The following FSTL5 variants were observed in gnomAD, a reference collection of about 807,000 sequenced individuals.
FSTL5 encodes the protein follistatin-related protein 5.
Under a neutral mutation model 89.1 loss-of-function variants are expected in FSTL5, and 62 were observed. The ratio of observed to expected loss-of-function variants is 0.70; its 90% CI spans 0.57 to 0.86. FSTL5 has a LOEUF of 0.86. Among genes scored for constraint, FSTL5 ranks in the 40% least tolerant of loss-of-function variants. FSTL5 has a pLI of 0.00. For synonymous variants in FSTL5, 383 were observed against 346.2 expected, an observed-to-expected ratio of 1.11 and a Z score of -1.18; for missense variants, 1,057 against 1,001.6, an observed-to-expected ratio of 1.06 and a Z score of -0.75.
At chr4:161,842,267 A>T (rs1731233891) in intron 4 of FSTL5, among the ~76,000 whole-genome samples, 1 of 152,174 alleles carries the variant, frequency 6.6e-6, no homozygotes, top group Non-Finnish European at 1.5e-5. Context: ...AATTTCAAAC[A>T]TCTGTTCTTC....
intron 4 of FSTL5, among the ~76,000 whole-genome samples, chr4:161,915,599 T>C (rs1179232929): frequency 6.6e-6 from 1 of 152,120 alleles, no homozygotes; most frequent in Non-Finnish European, 1.5e-5. Flanking sequence ...GTACCAAACA[T>C]AAGGGATTAA....
intron 3 of FSTL5, among the ~76,000 whole-genome samples, chr4:161,966,658 G>A (rs72693212): frequency 6.6e-6 from 1 of 151,982 alleles, no homozygotes; most frequent in Non-Finnish European, 1.5e-5. Flanking sequence ...ATGGCCATCT[G>A]TTAAGCAAGG....
intron 6 of FSTL5, among the ~76,000 whole-genome samples, chr4:161,713,743 T>C (rs1171256378): frequency 3.3e-5 from 5 of 152,186 alleles, no homozygotes; most frequent in Non-Finnish European, 7.4e-5. Context: ...AATTAATTTT[T>C]TTCTTAACAT....
intron 3 of FSTL5, among the ~76,000 whole-genome samples, chr4:161,972,407 G>T (rs763094767): frequency 5.3e-5 from 8 of 152,122 alleles, no homozygotes; most frequent in African/African-American, 1.2e-4. Flanking sequence ...TTTAGAAAAG[G>T]TAATAGGACA....
intron 1 of FSTL5, among the ~76,000 whole-genome samples, chr4:162,113,130 C>G (rs1054253964): frequency 6.6e-6 from 1 of 152,226 alleles, no homozygotes; most frequent in East Asian, 1.9e-4. Flanking sequence ...CACACCCAAC[C>G]TCTAGATTGG....
At position 161,455,071 on chromosome 4, in the gene FSTL5, C is replaced by G; in HGVS notation, c.1774G>C (p.Gly592Arg). The G allele has an allele frequency of 6.2e-7, 1 of 1,613,424 alleles. No homozygotes were observed. Among genetic ancestry groups the G allele is most frequent in the Non-Finnish European group, 8.5e-7 (1 of 1,179,686 alleles). ...PHHTIHTQPVGKQFDRVDDFF... is the reference protein window; with the variant it reads ...PHHTIHTQPVRKQFDRVDDFF... ...TCATCCACTCTGTCAAATTGCTTTCCCACTGGTTGGGTGTGGATCGTGTGG... is the reference window on the plus strand; with the variant it reads ...TCATCCACTCTGTCAAATTGCTTTCGCACTGGTTGGGTGTGGATCGTGTGG... Residue 592 changes from glycine (G) to arginine (R), a missense_variant, in exon 15 of 16, where the codon GGA (glycine) becomes CGA (arginine). By Grantham distance (125) the Gly-to-Arg change is moderately radical. Around this residue, in one of 3 missense-constraint regions of FSTL5, gnomAD observed 980 missense variants for 903.2 expected, o/e 1.08. Coordinates refer to ENST00000306100, the MANE Select transcript of FSTL5 (RefSeq NM_020116.5).
At chr4:161,422,594 G>A (rs1732030096) in intron 15 of FSTL5, among the ~76,000 whole-genome samples, 2 of 152,152 alleles carry the variant, frequency 1.3e-5, no homozygotes, top group South Asian at 2.1e-4. Context: ...GAGAACCTGA[G>A]CATCCACGCT....
intron 1 of FSTL5, among the ~76,000 whole-genome samples, chr4:162,143,132 T>G (rs916708521): frequency 3.9e-5 from 6 of 151,978 alleles, no homozygotes; most frequent in Non-Finnish European, 8.8e-5. Context: ...TGATTATAGG[T>G]AACATTAGAA....
chr4:161,620,735 T>C (rs1350277907), intron 7 of FSTL5, among the ~76,000 whole-genome samples: 1 of 152,112 alleles, frequency 6.6e-6, no homozygotes, highest in East Asian at 1.9e-4. Flanking sequence ...AAAGTGATAA[T>C]TTAGATATAC....
chr4:161,602,255 GA>G (rs1734274922), intron 7 of FSTL5, among the ~76,000 whole-genome samples: 4 of 25,358 alleles, frequency 1.6e-4, no homozygotes, highest in Non-Finnish European at 3.6e-4. Flanking sequence ...GGGAGAGAAA[GA>G]GAGAGAGAGA....
At chr4:162,032,437 C>T (rs1164629685) in intron 3 of FSTL5, 1 of 152,084 alleles carries the variant, frequency 6.6e-6, no homozygotes, top group East Asian at 1.9e-4. Flanking sequence ...TATAAAATAA[C>T]AAGCGATACT....
intron 1 of FSTL5, among the ~76,000 whole-genome samples, chr4:162,151,430 A>G (rs1054472815): frequency 1.3e-5 from 2 of 152,172 alleles, no homozygotes; most frequent in African/African-American, 4.8e-5. Flanking sequence ...GCCAGTTTTA[A>G]AAGTTTGAAA....
chr4:161,899,238 T>A (rs1733272556), intron 4 of FSTL5, among the ~76,000 whole-genome samples: 2 of 152,138 alleles, frequency 1.3e-5, no homozygotes, highest in Non-Finnish European at 2.9e-5. Context: ...CACAGGGTGC[T>A]GTGGTTACAT....
chr4:161,555,597 T>G (rs1732359689), intron 8 of FSTL5, among the ~76,000 whole-genome samples: 1 of 151,540 alleles, frequency 6.6e-6, no homozygotes, highest in Non-Finnish European at 1.5e-5. Context: ...AGCAGAAAAT[T>G]TGAACGCATC....
At position 162,154,658 on chromosome 4, in the gene FSTL5, A is replaced by G. The variant is rs1579069971; in HGVS notation, c.-17+8957T>C. On this transcript the variant is annotated intron_variant, in intron 1 of 15. Coordinates refer to ENST00000306100, the MANE Select transcript of FSTL5 (RefSeq NM_020116.5). ...AAACACAGCAGATGACCAAACTCTAATATCAAAAAACATTAAGCAAATCCA... is the reference window on the plus strand; with the variant it reads ...AAACACAGCAGATGACCAAACTCTAGTATCAAAAAACATTAAGCAAATCCA... Among the ~76,000 whole-genome samples the G allele has an allele frequency of 2.0e-5, 3 of 152,294 alleles. No individual in the cohort carries two copies. The South Asian group carries it at 6.2e-4, about 32-fold the overall frequency.
In FSTL5 at chr4:161,918,102, C is replaced by CA. The variant is rs552001386; in HGVS notation, c.409+2301dup. 4.7e-3 allele frequency among the ~76,000 whole-genome samples: 713 copies of CA among 152,164 alleles called. 3 individuals carry two copies. The highest frequency in any genetic ancestry group is 0.017 in the African/African-American group (693 of 41,514). ...AGTAATATAACTTGCTGAAACTCCA[C>CA]AAAAAATATAATTCACAATTATAAA... On this transcript the variant is annotated intron_variant, in intron 4 of 15. Coordinates refer to ENST00000306100, the MANE Select transcript of FSTL5 (RefSeq NM_020116.5).
At chr4:162,057,138 G>C (rs1180251015) in intron 2 of FSTL5, among the ~76,000 whole-genome samples, 1 of 152,228 alleles carries the variant, frequency 6.6e-6, no homozygotes, top group Non-Finnish European at 1.5e-5. Flanking sequence ...TGCCCGATTA[G>C]CACCGTGGCT....
intron 1 of FSTL5, among the ~76,000 whole-genome samples, chr4:162,119,590 T>A (rs935908529): frequency 6.6e-5 from 10 of 152,234 alleles, no homozygotes; most frequent in Non-Finnish European, 1.3e-4. Context: ...TGTATAGGCA[T>A]AATATTAATA....
chr4:162,139,786 C>T (rs1227645594), intron 1 of FSTL5, among the ~76,000 whole-genome samples: 1 of 152,062 alleles, frequency 6.6e-6, no homozygotes, highest in African/African-American at 2.4e-5. Context: ...ACAAAAGTCA[C>T]ACATCATAAA....
Sources: gnomAD v4.1 joint callset for allele counts (sites outside exome capture counted in the v4.1 genomes callset) on GRCh38, gnomAD v4.1.1 for gene constraint, gnomAD v4.1.1 regional missense constraint, MANE v1.5 for transcripts, NCBI Gene and HGNC (gene_info 2026-07-23, HGNC 2026-07-21) for gene names.